The following GABBR2 variants were observed in gnomAD, a reference collection of about 807,000 sequenced individuals.
GABBR2 encodes gamma-aminobutyric acid type B receptor subunit 2.
GABBR2 carries 23 observed loss-of-function variants against 105.6 expected under a neutral mutation model. The observed-to-expected ratio is 0.22, with a 90% confidence interval of 0.16 to 0.31. The LOEUF (loss-of-function observed/expected upper bound fraction) is 0.31, where lower values mean the gene tolerates loss of function less well. Among genes scored for constraint, GABBR2 ranks in the 10% least tolerant of loss-of-function variants. The pLI is 1.00. For synonymous variants in GABBR2, 478 were observed against 499.7 expected, an observed-to-expected ratio of 0.96 and a Z score of 0.58; for missense variants, 734 against 1,245.5, an observed-to-expected ratio of 0.59 and a Z score of 6.18.
chr9:98,560,617 A>C (rs915080113), intron 2 of GABBR2, among the ~76,000 whole-genome samples: 2 of 151,986 alleles, frequency 1.3e-5, no homozygotes. Flanking sequence ...ATTCCTATAA[A>C]TCCAAAAATA....
intron 4 of GABBR2, among the ~76,000 whole-genome samples, chr9:98,487,844 G>A (rs960501566): frequency 6.6e-6 from 1 of 152,150 alleles, no homozygotes; most frequent in African/African-American, 2.4e-5. Context: ...GTTATGTCAC[G>A]TGGTAAAGGG....
At chr9:98,340,296 A>G (rs1234010618) in intron 13 of GABBR2, among the ~76,000 whole-genome samples, 1 of 151,764 alleles carries the variant, frequency 6.6e-6, no homozygotes, top group South Asian at 2.1e-4. Context: ...ATCTTAGTTC[A>G]TACTTTAGAA....
At chr9:98,312,835 T>G (rs1471070565) in intron 13 of GABBR2, among the ~76,000 whole-genome samples, 2 of 152,174 alleles carry the variant, frequency 1.3e-5, no homozygotes, top group Non-Finnish European at 2.9e-5. Flanking sequence ...CTGCAACTTC[T>G]GCCTCCTGAG....
intron 7 of GABBR2, among the ~76,000 whole-genome samples, chr9:98,436,666 C>G (rs1588160687): frequency 6.6e-6 from 1 of 151,720 alleles, no homozygotes; most frequent in East Asian, 2.0e-4. Flanking sequence ...CTGCCTCCCC[C>G]AGCAAGCTAA....
chr9:98,564,359 C>T (rs550669790), intron 2 of GABBR2, among the ~76,000 whole-genome samples: 1 of 152,322 alleles, frequency 6.6e-6, no homozygotes, highest in South Asian at 2.1e-4. Flanking sequence ...TTTCCCCAAT[C>T]TGAGAACAGG....
At chr9:98,447,928 G>A (rs1400376270) in intron 7 of GABBR2, among the ~76,000 whole-genome samples, 1 of 151,994 alleles carries the variant, frequency 6.6e-6, no homozygotes, top group Non-Finnish European at 1.5e-5. Context: ...GCTAAGGCTG[G>A]ATCCCTCTTC....
intron 2 of GABBR2, among the ~76,000 whole-genome samples, chr9:98,545,492 G>T (rs1385479531): frequency 6.6e-6 from 1 of 152,018 alleles, no homozygotes; most frequent in African/African-American, 2.4e-5. Flanking sequence ...TCTAGCTCTG[G>T]GGTTCTTGGC....
intron 11 of GABBR2, 96 bp from the exon 12 acceptor site, chr9:98,371,667 G>C: frequency 1.4e-6 from 1 of 697,550 alleles, no homozygotes; most frequent in East Asian, 2.6e-5. Context: ...TTTATGATGG[G>C]GACAAATACT....
intron 1 of GABBR2, among the ~76,000 whole-genome samples, chr9:98,673,888 T>C (rs531097195): frequency 3.3e-5 from 5 of 152,292 alleles, no homozygotes; most frequent in African/African-American, 1.2e-4. Context: ...AGGAGCCCTG[T>C]TGAGGAGGAG....
intron 17 of GABBR2, among the ~76,000 whole-genome samples, chr9:98,295,337 T>C (rs1830363243): frequency 6.6e-6 from 1 of 152,136 alleles, no homozygotes; most frequent in South Asian, 2.1e-4. Flanking sequence ...TTGTGCTGTG[T>C]GTTGGTGAGT....
At chr9:98,705,322 C>T (rs932894089) in intron 1 of GABBR2, among the ~76,000 whole-genome samples, 8 of 152,250 alleles carry the variant, frequency 5.3e-5, no homozygotes, top group Admixed American at 5.2e-4. Flanking sequence ...AAATCTACCA[C>T]TATTCTACTT....
intron 2 of GABBR2, among the ~76,000 whole-genome samples, chr9:98,551,176 G>A (rs1564111752): frequency 1.3e-5 from 2 of 152,114 alleles, no homozygotes; most frequent in Non-Finnish European, 2.9e-5. Flanking sequence ...GCCGAGGTGC[G>A]TAGATCACTT....
intron 13 of GABBR2, among the ~76,000 whole-genome samples, chr9:98,346,056 G>A (rs1055369099): frequency 5.3e-5 from 8 of 152,190 alleles, no homozygotes; most frequent in Non-Finnish European, 8.8e-5. Context: ...TTTCGTTAGC[G>A]GAGGGTTTTA....
rs912682892 is a variant in GABBR2 at position 98,598,093 on chromosome 9, G to T, written c.322-20021C>A. Among the ~76,000 whole-genome samples the T allele has an allele frequency of 3.3e-5, 5 of 152,182 alleles. No individual in the cohort carries two copies. The South Asian group carries it at 1.0e-3, about 32-fold the overall frequency. ...CCGCCTTGGCCTCCCAAAGTGCTAG[G>T]ATTACAGGTGTGAGCCACTGCGCCC... On this transcript the variant is annotated intron_variant, in intron 1 of 18. Coordinates refer to ENST00000259455, the MANE Select transcript of GABBR2 (RefSeq NM_005458.8).
intron 1 of GABBR2, among the ~76,000 whole-genome samples, chr9:98,663,615 A>G (rs1830295921): frequency 6.6e-6 from 1 of 151,386 alleles, no homozygotes; most frequent in Admixed American, 6.6e-5. Context: ...AAACTGAAAA[A>G]TCAAAAATGA....
At position 98,514,143 on chromosome 9, in the gene GABBR2, C is replaced by T. The variant is rs563283931; in HGVS notation, c.631-17629G>A. 3.6e-4 allele frequency among the ~76,000 whole-genome samples: 48 copies of T among 132,780 alleles called. 7 individuals are homozygous for T. The highest frequency in any genetic ancestry group is 1.2e-3 in the African/African-American group (47 of 37,896). 87.1% of individuals were successfully genotyped at this position (132,780 alleles called of 152,430 possible). A position where few individuals can be genotyped will look rare whatever the true frequency, so the allele number is the denominator to read the frequency against. On this transcript the variant is annotated intron_variant, in intron 3 of 18. Transcript: ENST00000259455. ...ATTGGAAATCATCATTCTCAGTAAACTATCGCAAGAACAAAAAACCAAACA... is the reference window on the plus strand; with the variant it reads ...ATTGGAAATCATCATTCTCAGTAAATTATCGCAAGAACAAAAAACCAAACA...
At chr9:98,584,909 T>A (rs1356694019) in intron 1 of GABBR2, among the ~76,000 whole-genome samples, 2 of 152,240 alleles carry the variant, frequency 1.3e-5, no homozygotes, top group Non-Finnish European at 2.9e-5. Flanking sequence ...ACTAGGGAGC[T>A]AATTTGTCCT....
intron 4 of GABBR2, among the ~76,000 whole-genome samples, chr9:98,494,890 C>T (rs1266084829): frequency 6.6e-6 from 1 of 152,230 alleles, no homozygotes; most frequent in East Asian, 1.9e-4. Flanking sequence ...CATTAAAGTC[C>T]ATAGATGCTG....
intron 12 of GABBR2, among the ~76,000 whole-genome samples, chr9:98,370,329 G>A (rs976685573): frequency 2.0e-5 from 3 of 152,126 alleles, no homozygotes; most frequent in African/African-American, 7.2e-5. Context: ...AGGACGGCAG[G>A]AGAGAAAGTC....
Sources: allele counts gnomAD v4.1 joint callset (sites outside exome capture counted in the v4.1 genomes callset), GRCh38; gene constraint gnomAD v4.1.1; transcripts MANE v1.5; gene names NCBI Gene and HGNC (gene_info 2026-07-23, HGNC 2026-07-21).